The following TESK2 variants were observed in gnomAD, a reference collection of about 807,000 sequenced individuals.
The protein encoded by TESK2 is dual specificity testis-specific protein kinase 2.
In TESK2, 39 loss-of-function variants were observed where a neutral mutation model predicts 57.1. The ratio of observed to expected loss-of-function variants is 0.68; its 90% CI spans 0.53 to 0.89. TESK2 has a LOEUF of 0.89. TESK2 is among the 40% of genes least tolerant of loss of function. The probability of loss-of-function intolerance (pLI) is 0.00; values close to 1 mark genes in which losing one functional copy is unlikely to be tolerated. For synonymous variants in TESK2, 249 were observed against 267.9 expected (o/e 0.93, Z 0.69); for missense variants, 646 against 732.1 (o/e 0.88, Z 1.36).
chr1:45,489,281 C>T (rs1324922726), intron 1 of TESK2, among the ~76,000 whole-genome samples: 1 of 152,168 alleles, frequency 6.6e-6, no homozygotes, highest in Non-Finnish European at 1.5e-5. Flanking sequence ...TGTCCCGTTC[C>T]TTTAATCTCT....
At position 45,415,262 on chromosome 1, in the gene TESK2, T is replaced by C; in HGVS notation, c.344+6463A>G. 3 of 1,417,516 alleles carry C rather than the reference T, an allele frequency of 2.1e-6. No individual in the cohort carries two copies. The South Asian group carries it at 3.4e-5, about 16-fold the overall frequency. The allele number at this position is 1,417,516 out of a possible 1,614,324, so 87.8% of individuals were successfully genotyped here. A position where few individuals can be genotyped will look rare whatever the true frequency, so the allele number is the denominator to read the frequency against. ...GGCAAGGTGAAAGAAGGCATGAATA[T>C]TGTGGAGGCCATGGGGCACTTTGGG... On this transcript the variant is annotated intron_variant, in intron 3 of 10. Coordinates refer to ENST00000372086, the MANE Select transcript of TESK2 (RefSeq NM_007170.3).
intron 4 of TESK2, among the ~76,000 whole-genome samples, chr1:45,362,172 T>G (rs1206124580): frequency 2.6e-5 from 4 of 152,094 alleles, no homozygotes; most frequent in Non-Finnish European, 5.9e-5. Flanking sequence ...CCTCCAGAAG[T>G]GTGAGAAATA....
intron 1 of TESK2, among the ~76,000 whole-genome samples, chr1:45,471,546 C>T (rs927848886): frequency 8.6e-5 from 13 of 151,872 alleles, no homozygotes; most frequent in African/African-American, 2.4e-4. Flanking sequence ...GCTGGGACTA[C>T]AGGCACGCAC....
At chr1:45,474,671 C>T (rs1235109095) in intron 1 of TESK2, among the ~76,000 whole-genome samples, 1 of 151,290 alleles carries the variant, frequency 6.6e-6, no homozygotes, top group Non-Finnish European at 1.5e-5. Flanking sequence ...TGGGGTTTCA[C>T]CATGTTGGTC....
intron 1 of TESK2, among the ~76,000 whole-genome samples, chr1:45,471,723 C>T (rs964763128): frequency 1.3e-5 from 2 of 151,758 alleles, no homozygotes; most frequent in African/African-American, 4.8e-5. Flanking sequence ...TTGTTAATGA[C>T]AGATAAGAGG....
At chr1:45,365,364 T>C (rs988445388) in intron 4 of TESK2, among the ~76,000 whole-genome samples, 2 of 152,232 alleles carry the variant, frequency 1.3e-5, no homozygotes, top group Non-Finnish European at 2.9e-5. Flanking sequence ...ACACTAGTTC[T>C]AGCCACAGAG....
chr1:45,386,013 T>G lies in TESK2; in HGVS notation c.345-53A>C, dbSNP rs1648877946. The G allele has an allele frequency of 4.2e-6, 6 of 1,420,286 alleles. No individual in the cohort carries two copies. In the South Asian group the frequency reaches 7.1e-5, roughly 17 times the overall value. 88.0% of individuals were successfully genotyped at this position (1,420,286 alleles called of 1,614,324 possible). On this transcript the variant is annotated intron_variant, in intron 3 of 10. Transcript: ENST00000372086. ...AAGTGAAAAGGACACAAATATAAAT[T>G]CATATAGAGAAATCAGGTTAGTTAC...
intron 2 of TESK2, among the ~76,000 whole-genome samples, chr1:45,425,089 G>A (rs1223943323): frequency 6.6e-6 from 1 of 152,098 alleles, no homozygotes; most frequent in Non-Finnish European, 1.5e-5. Context: ...GAAATAAAGG[G>A]CATCCAAATT....
At chr1:45,388,433 A>G (rs1187693198) in intron 3 of TESK2, among the ~76,000 whole-genome samples, 2 of 152,188 alleles carry the variant, frequency 1.3e-5, no homozygotes, top group Non-Finnish European at 2.9e-5. Context: ...GGCTTTCCAA[A>G]CTATGATGGG....
chr1:45,428,816 ATTTTTTTT>A (rs71052876), intron 2 of TESK2, among the ~76,000 whole-genome samples: 3 of 82,592 alleles, frequency 3.6e-5, no homozygotes, highest in African/African-American at 1.5e-4. Context: ...TAAATTCCTG[ATTTTTTTT>A]TTTTTTTTTT....
intron 1 of TESK2, among the ~76,000 whole-genome samples, chr1:45,470,204 T>C (rs1210001488): frequency 6.6e-6 from 1 of 152,214 alleles, no homozygotes; most frequent in African/African-American, 2.4e-5. Context: ...TAAGGATTCA[T>C]TATGAGTAAT....
chr1:45,431,432 A>C (rs1014646286), intron 2 of TESK2, among the ~76,000 whole-genome samples: 2 of 152,050 alleles, frequency 1.3e-5, no homozygotes, highest in African/African-American at 4.8e-5. Context: ...AAAAAAAAAA[A>C]GATGCAAGTG....
At chr1:45,346,928 T>C in intron 8 of TESK2, 51 bp downstream of exon 8, 1 of 1,597,254 alleles carries the variant, frequency 6.3e-7, no homozygotes, top group Non-Finnish European at 8.6e-7. Context: ...ACAGTTCCAT[T>C]GCTTCAAACT....
intron 3 of TESK2, among the ~76,000 whole-genome samples, chr1:45,402,741 CA>C (rs1364124866): frequency 6.6e-6 from 1 of 151,894 alleles, no homozygotes; most frequent in East Asian, 1.9e-4. Flanking sequence ...CTCGGCCTCC[CA>C]AAGTGCTGGG....
At chr1:45,417,202 A>T (rs1013352788) in intron 3 of TESK2, among the ~76,000 whole-genome samples, 1 of 152,062 alleles carries the variant, frequency 6.6e-6, no homozygotes, top group Non-Finnish European at 1.5e-5. Context: ...CTCCAGGTTC[A>T]TCCAAGTTGT....
rs1378800604 is a variant in TESK2, at chr1:45,459,710, G to C, written c.-86-1839C>G. Among the ~76,000 whole-genome samples, 4 of 152,130 alleles carry C rather than the reference G, an allele frequency of 2.6e-5. No homozygotes were observed. The East Asian group carries it at 7.7e-4, about 29-fold the overall frequency. Reference sequence around the variant, plus strand: ...ATGTAAAAACTAGCCAGGCATGATGGTACACGCCTGTAGTCCCAGCTACAC... The same window carrying C: ...ATGTAAAAACTAGCCAGGCATGATGCTACACGCCTGTAGTCCCAGCTACAC... On this transcript the variant is annotated intron_variant, in intron 1 of 10. Transcript: ENST00000372086.
intron 4 of TESK2, among the ~76,000 whole-genome samples, chr1:45,360,684 C>G (rs535794242): frequency 7.2e-5 from 11 of 152,328 alleles, no homozygotes; most frequent in Admixed American, 2.6e-4. Context: ...CTTTTACAAC[C>G]CATTTCTCTT....
intron 3 of TESK2, chr1:45,415,319 C>A: frequency 8.9e-7 from 1 of 1,125,324 alleles, no homozygotes; most frequent in Non-Finnish European, 1.3e-6. Context: ...AAGGAGATCA[C>A]CATTGCTGAC....
intron 4 of TESK2, among the ~76,000 whole-genome samples, chr1:45,376,198 C>T (rs975820540): frequency 1.4e-5 from 2 of 145,786 alleles, no homozygotes; most frequent in South Asian, 2.2e-4. Flanking sequence ...TGAGATGTGA[C>T]ATTTCTTTCT....
Sources: allele counts gnomAD v4.1 joint callset (sites outside exome capture counted in the v4.1 genomes callset), GRCh38; gene constraint gnomAD v4.1.1; transcripts MANE v1.5; gene names NCBI Gene and HGNC (gene_info 2026-07-23, HGNC 2026-07-21).